XXYLT1: variants seen among roughly 807,000 people sequenced by gnomAD.
The protein encoded by XXYLT1 is UDP-xylose:alpha-xyloside alpha-1,3-xylosyltransferase.
XXYLT1 carries 20 observed loss-of-function variants against 28.9 expected under a neutral mutation model. The ratio of observed to expected loss-of-function variants is 0.69; its 90% CI spans 0.49 to 1.00. XXYLT1 has a LOEUF of 1.00. Ranked by LOEUF, XXYLT1 falls within the 50% of genes least tolerant of loss-of-function variation. The pLI, the probability that XXYLT1 is intolerant of heterozygous loss-of-function variation, is 0.00. For synonymous variants in XXYLT1, 257 were observed against 253.8 expected (o/e 1.01, Z -0.12); for missense variants, 542 against 560.1 (o/e 0.97, Z 0.33).
intron 1 of XXYLT1, among the ~76,000 whole-genome samples, chr3:195,267,360 A>G (rs887090619): frequency 6.6e-6 from 1 of 152,224 alleles, no homozygotes; most frequent in Admixed American, 6.5e-5. Flanking sequence ...AGTGCTCCTT[A>G]AAGGGGAAAT....
chr3:195,259,880 T>A, intron 1 of XXYLT1: 1 of 163,094 alleles, frequency 6.1e-6, no homozygotes, highest in Non-Finnish European at 1.3e-5. Context: ...GGAAAGGATG[T>A]GGCTGGGGCC....
chr3:195,264,422 C>T (rs576787659), intron 1 of XXYLT1, among the ~76,000 whole-genome samples: 4 of 152,304 alleles, frequency 2.6e-5, no homozygotes, highest in South Asian at 4.1e-4. Context: ...GCTGTGGCTC[C>T]CTCACTTCCT....
chr3:195,164,699 G>C (rs1256767963), intron 2 of XXYLT1, among the ~76,000 whole-genome samples: 1 of 152,254 alleles, frequency 6.6e-6, no homozygotes, highest in African/African-American at 2.4e-5. Flanking sequence ...ACCATACCAA[G>C]ATGGTTGACA....
At chr3:195,127,114 T>G (rs1718676988) in intron 3 of XXYLT1, among the ~76,000 whole-genome samples, 1 of 152,200 alleles carries the variant, frequency 6.6e-6, no homozygotes, top group Non-Finnish European at 1.5e-5. Flanking sequence ...GGTGGGCATC[T>G]GCGTTCTAGA....
intron 1 of XXYLT1, among the ~76,000 whole-genome samples, chr3:195,228,114 G>A (rs773962123): frequency 5.3e-5 from 8 of 152,078 alleles, no homozygotes; most frequent in Non-Finnish European, 8.8e-5. Context: ...GCCACCTCCC[G>A]CCACCATCTT....
intron 1 of XXYLT1, chr3:195,260,224 C>T (rs1217755912): frequency 6.6e-6 from 1 of 150,474 alleles, no homozygotes; most frequent in Non-Finnish European, 1.5e-5. Flanking sequence ...GGCGGCCGCG[C>T]GGGGCACTGC....
intron 3 of XXYLT1, chr3:195,122,072 G>A: frequency 1.4e-6 from 1 of 703,036 alleles, no homozygotes; most frequent in Non-Finnish European, 2.6e-6. Context: ...CACTGATTCT[G>A]TGTCTGGTGA....
At chr3:195,236,113 A>G (rs537846165) in intron 1 of XXYLT1, among the ~76,000 whole-genome samples, 4 of 152,244 alleles carry the variant, frequency 2.6e-5, no homozygotes, top group East Asian at 3.9e-4. Context: ...TCTATGTTCA[A>G]TCAAGGCCCT....
chr3:195,138,874 A>AAG (rs1719335771), intron 3 of XXYLT1, among the ~76,000 whole-genome samples: 1 of 150,222 alleles, frequency 6.7e-6, no homozygotes, highest in African/African-American at 2.5e-5. Flanking sequence ...AAAAAAAAAA[A>AAG]AAAGAAAGAA....
rs1241712537 is a variant in XXYLT1, at chr3:195,156,593, A to C, written c.653-12T>G. ...GATCTGCAGGATCTCTGCGGGAAAG[A>C]GAAAAGGACAATGAGACACAGGTAC... On this transcript the variant is annotated splice_polypyrimidine_tract_variant and intron_variant, in intron 2 of 3. Transcript: ENST00000310380. The C allele has an allele frequency of 3.1e-6, 5 of 1,613,758 alleles. No individual in the cohort carries two copies. Among genetic ancestry groups the C allele is most frequent in the Non-Finnish European group, 4.2e-6 (5 of 1,179,878 alleles).
At chr3:195,224,105 G>A (rs373647779) in intron 2 of XXYLT1, among the ~76,000 whole-genome samples, 42 of 152,276 alleles carry the variant, frequency 2.8e-4, no homozygotes, top group East Asian at 3.9e-4. Flanking sequence ...GCAGTGAGCC[G>A]AGATTGCTAA....
chr3:195,197,227 A>G lies in XXYLT1; in HGVS notation c.652+29482T>C, dbSNP rs142623279. 5.6e-3 allele frequency among the ~76,000 whole-genome samples: 849 copies of G among 152,338 alleles called. 16 individuals carry two copies. The highest frequency in any genetic ancestry group is 0.02 in the African/African-American group (818 of 41,582). On this transcript the variant is annotated intron_variant, in intron 2 of 3. Coordinates refer to ENST00000310380, the MANE Select transcript of XXYLT1 (RefSeq NM_152531.5). ...CAAGGCCAGTGGATCACCTGAGATC[A>G]GGAGTTTGAGACCAGCCTGGCCAAC... is the stretch of plus-strand genomic sequence containing the variant.
At chr3:195,207,366 T>A in intron 2 of XXYLT1, 1 of 420,800 alleles carries the variant, frequency 2.4e-6, no homozygotes. Flanking sequence ...CTGCCCTTCT[T>A]CAACAGAGGG....
In XXYLT1 at chr3:195,256,326, G is replaced by A. The variant is rs756220427; in HGVS notation, c.504+14229C>T. Among the ~76,000 whole-genome samples the A allele has an allele frequency of 6.6e-6, 1 of 152,176 alleles. No individual in the cohort carries two copies. The highest frequency in any genetic ancestry group is 2.4e-5 in the African/African-American group (1 of 41,440). ...GTGCCTGCCACCCAGGGTCTCCTGC[G>A]ATGGTGGCAACTGTGGCTCATTGAC... On this transcript the variant is annotated intron_variant, in intron 1 of 3. Coordinates refer to ENST00000310380, the MANE Select transcript of XXYLT1 (RefSeq NM_152531.5). This position sits in a 1 kb window ranked among gnomAD's most constrained non-coding sequence, Gnocchi z 4.2.
chr3:195,175,780 A>G (rs1263497639), intron 2 of XXYLT1: 7 of 1,507,422 alleles, frequency 4.6e-6, no homozygotes, highest in Non-Finnish European at 6.2e-6. Context: ...CCTGGAAGCC[A>G]CATGCTCCAG....
chr3:195,248,036 C>T (rs937914298), intron 1 of XXYLT1: 9 of 518,590 alleles, frequency 1.7e-5, no homozygotes, highest in Admixed American at 7.0e-5. Context: ...CACAGCCAAA[C>T]CTTATCAGCC....
At chr3:195,243,515 A>G (rs912661191) in intron 1 of XXYLT1, among the ~76,000 whole-genome samples, 1 of 152,078 alleles carries the variant, frequency 6.6e-6, no homozygotes, top group African/African-American at 2.4e-5. Context: ...TATGTCTGAA[A>G]TTATATCAAA....
At chr3:195,237,426 G>A (rs534960048) in intron 1 of XXYLT1, among the ~76,000 whole-genome samples, 19 of 152,180 alleles carry the variant, frequency 1.2e-4, no homozygotes, top group African/African-American at 1.9e-4. Flanking sequence ...TGTGGCCACC[G>A]CCACAGGGAT....
chr3:195,082,621 G>T (rs899192722), intron 3 of XXYLT1, among the ~76,000 whole-genome samples: 9 of 152,234 alleles, frequency 5.9e-5, no homozygotes, highest in Non-Finnish European at 5.9e-5. Context: ...GGGAGGCTGA[G>T]GCGGGTGGAT....
Sources: gnomAD v4.1 joint callset for allele counts (sites outside exome capture counted in the v4.1 genomes callset) on GRCh38, gnomAD v4.1.1 for gene constraint, Gnocchi (gnomAD v3.1) non-coding constraint, MANE v1.5 for transcripts, NCBI Gene and HGNC (gene_info 2026-07-23, HGNC 2026-07-21) for gene names.